RIMKLA: variants seen among roughly 807,000 people sequenced by gnomAD.
RIMKLA encodes N-acetylaspartylglutamate synthase A.
A neutral mutation model predicts 32.7 loss-of-function variants in RIMKLA; 14 were observed. The observed-to-expected ratio is 0.43, with a 90% CI of 0.28 to 0.67. The LOEUF (loss-of-function observed/expected upper bound fraction) is 0.67, where lower values mean the gene tolerates loss of function less well. RIMKLA is among the 30% of genes least tolerant of loss of function. The pLI is 0.18. For missense variants in RIMKLA, 410 were observed against 519.0 expected, an observed-to-expected ratio of 0.79 and a Z score of 2.04; for synonymous variants, 176 against 204.1, an observed-to-expected ratio of 0.86 and a Z score of 1.18.
chr1:42,398,641 T>C (rs1031847950), intron 1 of RIMKLA, among the ~76,000 whole-genome samples: 7 of 152,192 alleles, frequency 4.6e-5, no homozygotes, highest in African/African-American at 1.7e-4. Flanking sequence ...TCACTTAACA[T>C]TGACATTTGT....
Position 42,414,621 on chromosome 1 carries a change from A to G in RIMKLA, c.823A>G (p.Asn275Asp), listed in dbSNP as rs1643229546. ...TGGCTCCTTTGTGGTGTGTGAGGCA[A>G]ATGCTAATGTTGGCTTCCTAGCCTT... ...DDGSFVVCEA[N>D]ANVGFLAFDQ... The change falls in exon 5 of 5, where the codon AAT becomes GAT. Residue 275 changes from asparagine (N) to aspartate (D), a missense_variant. By Grantham distance (23) the Asn-to-Asp change is conservative. Coordinates refer to ENST00000431473, the MANE Select transcript of RIMKLA (RefSeq NM_173642.4). The G allele has an allele frequency of 1.2e-6, 2 of 1,614,214 alleles. No homozygotes were observed. The highest frequency in any genetic ancestry group is 1.7e-6 in the Non-Finnish European group (2 of 1,180,040).
rs777027519 is a variant in RIMKLA at position 42,385,838 on chromosome 1, T to TTCTCTCTCTCTCTCTC, written c.163+4744_163+4745insCTCTCTCTCTCTCTCT. Among the ~76,000 whole-genome samples, 30 of 69,576 alleles carry TTCTCTCTCTCTCTCTC rather than the reference T, an allele frequency of 4.3e-4. 1 individual carries two copies. The highest frequency in any genetic ancestry group is 2.1e-3 in the East Asian group (6 of 2,868). The allele number at this position is 69,576 out of a possible 152,430, so 45.6% of individuals were successfully genotyped here. On this transcript the variant is annotated intron_variant, in intron 1 of 4. Coordinates refer to ENST00000431473, the MANE Select transcript of RIMKLA (RefSeq NM_173642.4). ...TTCCTTCCTTCCTTCCTTTCTTTCT[T>TTCTCTCTCTCTCTCTC]TCTTTCTCTTTCTTTCTTTCTTTCT...
chr1:42,411,392 G>T (rs544697803), intron 4 of RIMKLA, among the ~76,000 whole-genome samples: 1 of 150,886 alleles, frequency 6.6e-6, no homozygotes, highest in East Asian at 1.9e-4. Context: ...TGATGTGTTG[G>T]TGTCAAATGC....
Position 42,408,584 on chromosome 1 carries a change from G to A in RIMKLA, c.482-1400G>A, listed in dbSNP as rs115288327. Among the ~76,000 whole-genome samples, 1,266 of 152,136 alleles carry A rather than the reference G, an allele frequency of 8.3e-3. 23 individuals are homozygous for A. The highest frequency in any genetic ancestry group is 0.029 in the African/African-American group (1,220 of 41,526). ...TTATAGGCATGCACCACCATGCCCAGCTAATCTGGTATCTTTAGTAGAGAT... is the reference window on the plus strand; with the variant it reads ...TTATAGGCATGCACCACCATGCCCAACTAATCTGGTATCTTTAGTAGAGAT... On this transcript the variant is annotated intron_variant, in intron 3 of 4. Coordinates refer to ENST00000431473, the MANE Select transcript of RIMKLA (RefSeq NM_173642.4).
intron 1 of RIMKLA, among the ~76,000 whole-genome samples, chr1:42,392,318 C>A (rs1237962421): frequency 1.3e-5 from 2 of 151,604 alleles, no homozygotes; most frequent in African/African-American, 4.9e-5. Flanking sequence ...CCTCTCCCTC[C>A]CCCTGCTCAA....
At chr1:42,383,411 G>C (rs1453978336) in intron 1 of RIMKLA, among the ~76,000 whole-genome samples, 9 of 152,192 alleles carry the variant, frequency 5.9e-5, no homozygotes, top group African/African-American at 2.2e-4. Context: ...GAATGACCTT[G>C]TTGGCTTTGT....
intron 1 of RIMKLA, among the ~76,000 whole-genome samples, chr1:42,389,649 T>C (rs998160268): frequency 6.6e-6 from 1 of 151,884 alleles, no homozygotes; most frequent in Non-Finnish European, 1.5e-5. Context: ...CCGTCTCTAC[T>C]AAAAAATAAA....
chr1:42,422,897 C>T lies in RIMKLA; in HGVS notation c.*7923C>T, dbSNP rs1643306419. Among the ~76,000 whole-genome samples, 1 of 152,086 alleles carries T rather than the reference C, an allele frequency of 6.6e-6. No homozygotes were observed. Among genetic ancestry groups the T allele is most frequent in the African/African-American group, 2.4e-5 (1 of 41,412 alleles). ...CAGCGTGCTCTCCCGGGCTGACATT[C>T]GAATTAAGATTCAAATAGCAAGTGA... On this transcript the variant is annotated 3_prime_UTR_variant, in exon 5 of 5. Coordinates refer to ENST00000431473, the MANE Select transcript of RIMKLA (RefSeq NM_173642.4).
chr1:42,385,844 C>CTCTTTCTCTCTT lies in RIMKLA; in HGVS notation c.163+4754_163+4755insCTCTTTCTTTCT. Among the ~76,000 whole-genome samples, 2 of 57,080 alleles carry CTCTTTCTCTCTT rather than the reference C, an allele frequency of 3.5e-5. 1 individual carries two copies. Among genetic ancestry groups the CTCTTTCTCTCTT allele is most frequent in the African/African-American group, 1.3e-4 (2 of 15,142 alleles). The allele number at this position is 57,080 out of a possible 152,430, so 37.4% of individuals were successfully genotyped here. The stretch of plus-strand genomic sequence containing the variant: ...CCTTCCTTCCTTTCTTTCTTTCTTT[C>CTCTTTCTCTCTT]TCTTTCTTTCTTTCTTTCTTTCTTT... On this transcript the variant is annotated intron_variant, in intron 1 of 4. Transcript: ENST00000431473.
In RIMKLA at chr1:42,423,721, A is replaced by G. The variant is rs556925925; in HGVS notation, c.*8747A>G. 4.6e-5 allele frequency among the ~76,000 whole-genome samples: 7 copies of G among 152,308 alleles called. No homozygotes were observed. Among genetic ancestry groups the G allele is most frequent in the Admixed American group, 1.3e-4 (2 of 15,296 alleles). ...TCCCAGAGTTACATGGTGTCCCTCT[A>G]GGACTCTCCCAGCTTCATGCTGCTG... On this transcript the variant is annotated 3_prime_UTR_variant, in exon 5 of 5. Coordinates refer to ENST00000431473, the MANE Select transcript of RIMKLA (RefSeq NM_173642.4).
chr1:42,422,046 A>AC lies in RIMKLA; in HGVS notation c.*7078dup, dbSNP rs1285724186. On this transcript the variant is annotated 3_prime_UTR_variant, in exon 5 of 5. Coordinates refer to ENST00000431473, the MANE Select transcript of RIMKLA (RefSeq NM_173642.4). Reference sequence around the variant, plus strand: ...AGATTGGCAAACACTCTATATCAAGACCCCCCTCCCCGAGAGCTGGTTGTT... The same window carrying AC: ...AGATTGGCAAACACTCTATATCAAGACCCCCCCTCCCCGAGAGCTGGTTGTT... 2.0e-5 allele frequency: 3 copies of AC among 151,700 alleles called. No homozygotes were observed. The highest frequency in any genetic ancestry group is 2.9e-5 in the Non-Finnish European group (2 of 67,952). The allele number at this position is 151,700 out of a possible 1,614,324, so 9.4% of individuals were successfully genotyped here.
At chr1:42,408,165 A>G (rs1046667497) in intron 3 of RIMKLA, among the ~76,000 whole-genome samples, 1 of 152,046 alleles carries the variant, frequency 6.6e-6, no homozygotes, top group African/African-American at 2.4e-5. Context: ...CATCGTCCAC[A>G]CTTGCTGGGG....
chr1:42,391,554 GAA>G (rs1332634165), intron 1 of RIMKLA, among the ~76,000 whole-genome samples: 1 of 152,168 alleles, frequency 6.6e-6, no homozygotes, highest in Non-Finnish European at 1.5e-5. Flanking sequence ...CTCAGAAAAA[GAA>G]GGAAAGTGAA....
intron 4 of RIMKLA, among the ~76,000 whole-genome samples, chr1:42,410,660 C>T (rs767804295): frequency 6.6e-6 from 1 of 152,122 alleles, no homozygotes; most frequent in African/African-American, 2.4e-5. Context: ...TATTAGAAAG[C>T]TACAGTTTAT....
chr1:42,385,830 T>TCCTTCCTC (rs1557749857), intron 1 of RIMKLA, among the ~76,000 whole-genome samples: 4 of 74,214 alleles, frequency 5.4e-5, no homozygotes, highest in Non-Finnish European at 1.3e-4. Flanking sequence ...CTTCCTTCCT[T>TCCTTCCTC]TCTTTCTTTC....
intron 2 of RIMKLA, among the ~76,000 whole-genome samples, chr1:42,403,315 T>C (rs1643116852): frequency 6.6e-6 from 1 of 152,150 alleles, no homozygotes; most frequent in Non-Finnish European, 1.5e-5. Flanking sequence ...TTAGTTGACA[T>C]CTGACAGCAA....
intron 3 of RIMKLA, among the ~76,000 whole-genome samples, chr1:42,408,931 G>A (rs1231521967): frequency 6.6e-6 from 1 of 152,048 alleles, no homozygotes; most frequent in African/African-American, 2.4e-5. Flanking sequence ...ATGTTGGCCG[G>A]TTATGGTGAC....
intron 1 of RIMKLA, among the ~76,000 whole-genome samples, chr1:42,381,987 A>G (rs184304617): frequency 2.2e-4 from 34 of 152,320 alleles, no homozygotes; most frequent in African/African-American, 7.5e-4. Context: ...TTCAGGGTGC[A>G]TCTTGGGATA....
In RIMKLA at chr1:42,415,223, G is replaced by A. The variant is rs190497683; in HGVS notation, c.*249G>A. Reference sequence around the variant, plus strand: ...TGAGACTGATGTCTGCTGTGAGCACGTGGATATTACGGCTGACGCTAAGGC... The same window carrying A: ...TGAGACTGATGTCTGCTGTGAGCACATGGATATTACGGCTGACGCTAAGGC... On this transcript the variant is annotated 3_prime_UTR_variant, in exon 5 of 5. Transcript: ENST00000431473. 5 of 426,418 alleles carry A rather than the reference G, an allele frequency of 1.2e-5. No homozygotes were observed. The highest frequency in any genetic ancestry group is 4.0e-5 in the East Asian group (1 of 25,108). 26.4% of individuals were successfully genotyped at this position (426,418 alleles called of 1,614,324 possible). A position where few individuals can be genotyped will look rare whatever the true frequency, so the allele number is the denominator to read the frequency against.
Sources: allele counts gnomAD v4.1 joint callset (sites outside exome capture counted in the v4.1 genomes callset), GRCh38; gene constraint gnomAD v4.1.1; transcripts MANE v1.5; gene names NCBI Gene and HGNC (gene_info 2026-07-23, HGNC 2026-07-21).